Variants in MYH15 observed in about 807,000 individuals in gnomAD.
MYH15 encodes myosin heavy chain 15.
MYH15 carries 227 observed loss-of-function variants against 240.5 expected under a neutral mutation model. The observed-to-expected ratio is 0.94, with a 90% CI of 0.85 to 1.05. The LOEUF (loss-of-function observed/expected upper bound fraction) is 1.05, where lower values mean the gene tolerates loss of function less well. Ranked by LOEUF, MYH15 falls within the 50% of genes least tolerant of loss-of-function variation. MYH15 has a pLI of 0.00. For synonymous variants in MYH15, 785 were observed against 796.7 expected (o/e 0.99, Z 0.25); for missense variants, 2,217 against 2,247.5 (o/e 0.99, Z 0.27).
Position 108,485,095 on chromosome 3 carries a change from T to C in MYH15, c.1110A>G (p.Thr370=). The C allele has an allele frequency of 6.2e-7, 1 of 1,614,022 alleles. No homozygotes were observed. The highest frequency in any genetic ancestry group is 8.5e-7 in the Non-Finnish European group (1 of 1,179,934). ...TATCTTCAAAGTAATTCTTACTTTC[T>C]GTGCCATCTGCTTCCAGTTGCTCTT... The part of the protein sequence containing the change: ...PREEQLEADG[T]ENADKAAFLM... Residue 370 remains threonine (T), a synonymous_variant, in exon 11 of 41, where the codon ACA becomes ACG. Transcript: ENST00000693548.
At chr3:108,395,733 A>C (rs933401338) in intron 35 of MYH15, among the ~76,000 whole-genome samples, 2 of 151,328 alleles carry the variant, frequency 1.3e-5, no homozygotes, top group East Asian at 3.9e-4. Flanking sequence ...ACCTGTAATC[A>C]GTCAAAGATA....
At chr3:108,459,300 T>G in intron 18 of MYH15, 62 bp downstream of exon 18, 1 of 1,031,168 alleles carries the variant, frequency 9.7e-7, no homozygotes, top group Middle Eastern at 3.0e-4. Flanking sequence ...TTAAAAGATA[T>G]TCAATATAGC....
chr3:108,549,266 CT>C, the MYH15 span, among the ~76,000 whole-genome samples: 16 of 150,924 alleles, frequency 1.1e-4, no homozygotes, highest in African/African-American at 3.9e-4. Flanking sequence ...TTTACACACA[CT>C]TTTGCTTTTT....
At chr3:108,473,285 G>A (rs1007995285) in intron 12 of MYH15, among the ~76,000 whole-genome samples, 2 of 152,148 alleles carry the variant, frequency 1.3e-5, no homozygotes, top group African/African-American at 2.4e-5. Context: ...CTGGAATTAT[G>A]GGCGTGAGCC....
At chr3:108,433,254 G>A (rs2082796093) in intron 25 of MYH15, among the ~76,000 whole-genome samples, 1 of 152,170 alleles carries the variant, frequency 6.6e-6, no homozygotes, top group Admixed American at 6.5e-5. Flanking sequence ...TAGCCCCTTT[G>A]TTTGGGCCAA....
chr3:108,458,082 G>A (rs1395327493), intron 18 of MYH15, among the ~76,000 whole-genome samples: 1 of 152,116 alleles, frequency 6.6e-6, no homozygotes, highest in Non-Finnish European at 1.5e-5. Context: ...GGGGTACAGG[G>A]AGTAGAATCC....
intron 25 of MYH15, among the ~76,000 whole-genome samples, chr3:108,434,466 G>A (rs1036913870): frequency 9.9e-5 from 15 of 151,784 alleles, no homozygotes; most frequent in Non-Finnish European, 4.4e-5. Context: ...ACAGGCATGA[G>A]CCACCACACC....
At chr3:108,381,815 C>A (rs905683053) in intron 40 of MYH15, among the ~76,000 whole-genome samples, 4 of 152,226 alleles carry the variant, frequency 2.6e-5, no homozygotes, top group African/African-American at 9.6e-5. Context: ...GCAGCGCCCC[C>A]CTTTGCCAAC....
rs781483045 is a variant in MYH15 at position 108,505,762 on chromosome 3, T to C, written c.156A>G (p.Glu52=). 15 of 1,613,250 alleles carry C rather than the reference T, an allele frequency of 9.3e-6. No homozygotes were observed. Among genetic ancestry groups the C allele is most frequent in the Non-Finnish European group, 1.1e-5 (13 of 1,179,722 alleles). ...TCTCAACAATTACTGTTCCATCATC[T>C]TCACTCCCTTTTACCTCAGCCTCGA... ...AYIEAEVKGS[E]DDGTVIVETA... is the part of the protein sequence containing the mutation. Residue 52 remains glutamate, a synonymous_variant, in exon 2 of 41, where the codon GAA becomes GAG. Coordinates refer to ENST00000693548, the MANE Select transcript of MYH15 (RefSeq NM_014981.3).
In MYH15 at chr3:108,414,256, C is replaced by T. The variant is rs1252454656; in HGVS notation, c.4121G>A (p.Arg1374Lys). ...CTTGGCATCCTCCAAGTCTTCTGTT[C>T]TCTGGATGACATTGTTTTCATACTT... ...RMKYENNVIQ[R>K]TEDLEDAKKE... The change falls in exon 30 of 41, where the codon AGA becomes AAA. Residue 1374 changes from arginine (R) to lysine (K), a missense_variant. By Grantham distance (26) the Arg-to-Lys change is conservative. Transcript: ENST00000693548. 6.2e-7 allele frequency: 1 copy of T among 1,614,040 alleles called. No individual in the cohort carries two copies. The highest frequency in any genetic ancestry group is 8.5e-7 in the Non-Finnish European group (1 of 1,180,006).
intron 26 of MYH15, among the ~76,000 whole-genome samples, chr3:108,429,530 A>G (rs1343067213): frequency 6.6e-6 from 1 of 152,170 alleles, no homozygotes; most frequent in East Asian, 1.9e-4. Flanking sequence ...AAAAAAGGTG[A>G]TAACAACTCT....
intron 1 of MYH15, among the ~76,000 whole-genome samples, chr3:108,518,043 C>T (rs2083588071): frequency 6.6e-6 from 1 of 152,140 alleles, no homozygotes; most frequent in African/African-American, 2.4e-5. Flanking sequence ...TCAAACATCC[C>T]TGAAATGATA....
the MYH15 span, among the ~76,000 whole-genome samples, chr3:108,545,985 T>C: frequency 4.6e-5 from 7 of 152,172 alleles, no homozygotes; most frequent in Non-Finnish European, 1.0e-4. Context: ...TTCAGATAAA[T>C]TGCTAGAAGT....
At chr3:108,538,282 C>A in the MYH15 span, among the ~76,000 whole-genome samples, 2 of 152,152 alleles carry the variant, frequency 1.3e-5, no homozygotes, top group African/African-American at 4.8e-5. Context: ...TTTATTGTAT[C>A]TCTTGGCAAA....
intron 29 of MYH15, among the ~76,000 whole-genome samples, chr3:108,414,814 A>C (rs1318536483): frequency 2.6e-5 from 4 of 152,218 alleles, no homozygotes; most frequent in Non-Finnish European, 4.4e-5. Context: ...AAGAACCACT[A>C]AAATTTAGCC....
Position 108,470,847 on chromosome 3 carries a change from C to T in MYH15, c.1234G>A (p.Val412Ile). The T allele has an allele frequency of 6.2e-7, 1 of 1,612,858 alleles. No individual in the cohort carries two copies. Residue 412 changes from valine (V) to isoleucine (I), a missense_variant and splice_region_variant, in exon 13 of 41, where the codon GTA becomes ATA. Transcript: ENST00000693548. ...GACAGGGCACCGACAGCACAGGTTACCTAGAAATCACATTGAAAACACTCC... is the reference window on the plus strand; with the variant it reads ...GACAGGGCACCGACAGCACAGGTTATCTAGAAATCACATTGAAAACACTCC... ...YVTRGQTIEQ[V>I]TCAVGALSKS...
chr3:108,418,637 CT>C (rs35597878), intron 28 of MYH15, among the ~76,000 whole-genome samples: 128,244 of 144,592 alleles, frequency 0.89, 56,870 homozygotes, highest in East Asian at 0.99. Flanking sequence ...CATCTTGTGG[CT>C]TTTTTTTTTT....
At chr3:108,518,832 T>C (rs1213127213) in intron 1 of MYH15, among the ~76,000 whole-genome samples, 1 of 152,256 alleles carries the variant, frequency 6.6e-6, no homozygotes, top group African/African-American at 2.4e-5. Flanking sequence ...GATGTGTTCT[T>C]AGATTTCTTT....
At chr3:108,423,635 T>G (rs12493171) in intron 27 of MYH15, among the ~76,000 whole-genome samples, 13,181 of 152,300 alleles carry the variant, frequency 0.087, 1,274 homozygotes, top group East Asian at 0.51. Context: ...AAAGTTGGCA[T>G]GCTCATTTTC....
Sources: allele counts gnomAD v4.1 joint callset (sites outside exome capture counted in the v4.1 genomes callset), GRCh38; gene constraint gnomAD v4.1.1; transcripts MANE v1.5; gene names NCBI Gene and HGNC (gene_info 2026-07-23, HGNC 2026-07-21).